The following CHM variants were observed in gnomAD, a reference collection of about 807,000 sequenced individuals.
CHM encodes CHM Rab escort protein.
Under a neutral mutation model 49.0 loss-of-function variants are expected in CHM, and 10 were observed. The ratio of observed to expected loss-of-function variants is 0.20; its 90% confidence interval spans 0.13 to 0.35. The LOEUF (loss-of-function observed/expected upper bound fraction) is 0.35, where lower values mean the gene tolerates loss of function less well. Among genes scored for constraint, CHM ranks in the 10% least tolerant of loss-of-function variants. The pLI is 1.00. For missense variants in CHM, 455 were observed against 478.4 expected (o/e 0.95, Z 0.46); for synonymous variants, 184 against 167.5 (o/e 1.10, Z -0.76).
At chrX:85,968,201 GA>G (rs1930680719) in intron 4 of CHM, among the ~76,000 whole-genome samples, 1 of 112,012 alleles carries the variant, frequency 8.9e-6, no homozygotes, top group Admixed American at 9.5e-5. Context: ...AGACTATTCA[GA>G]AATTGTTGTT....
chrX:85,940,432 G>A (rs1047016538), intron 8 of CHM, among the ~76,000 whole-genome samples: 1 of 111,417 alleles, frequency 9.0e-6, no homozygotes, highest in Non-Finnish European at 1.9e-5. Flanking sequence ...TACTGAGTTG[G>A]AGCAAACCAG....
Position 85,895,777 on chromosome X carries a change from G to A in CHM, c.1414-1493C>T, listed in dbSNP as rs1437643030. Among the ~76,000 whole-genome samples the A allele has an allele frequency of 3.6e-5, 4 of 111,353 alleles. No homozygotes were observed. In the East Asian group the frequency reaches 1.1e-3, roughly 31 times the overall value. On this transcript the variant is annotated intron_variant, in intron 11 of 14. Coordinates refer to ENST00000357749, the MANE Select transcript of CHM (RefSeq NM_000390.4). ...TTGTTCATGATAGAAAATGTACTTT[G>A]GCATTAAAGAGATAGAAGCCACTAA...
At chrX:85,954,333 T>G (rs776605695) in intron 8 of CHM, among the ~76,000 whole-genome samples, 2 of 111,804 alleles carry the variant, frequency 1.8e-5, no homozygotes, top group Admixed American at 1.9e-4. Flanking sequence ...GTGGGAGTGT[T>G]AATTAGTACA....
rs1370137816 is a variant in CHM at position 85,956,377 on chromosome X, T to A, written c.942A>T (p.Gly314=). 4.2e-6 allele frequency: 5 copies of A among 1,204,777 alleles called. No individual in the cohort carries two copies. Among genetic ancestry groups the A allele is most frequent in the Non-Finnish European group, 5.6e-6 (5 of 890,974 alleles). ...EYEKYPDEYK[G]YEEITFYEYL... is the part of the protein sequence containing the mutation. Reference sequence around the variant, plus strand: ...ATTCATAAAATGTGATCTCTTCATATCCTATGAAAAGATGAAATTTTATCA... The same window carrying A: ...ATTCATAAAATGTGATCTCTTCATAACCTATGAAAAGATGAAATTTTATCA... Residue 314 remains glycine, a splice_region_variant and synonymous_variant, in exon 8 of 15, where the codon GGA becomes GGT. Transcript: ENST00000357749.
chrX:85,873,503 T>C (rs111508937), intron 13 of CHM, among the ~76,000 whole-genome samples: 1 of 111,772 alleles, frequency 8.9e-6, no homozygotes, highest in Non-Finnish European at 1.9e-5. Context: ...ATAACATAAA[T>C]TGATTTCCTT....
intron 8 of CHM, among the ~76,000 whole-genome samples, chrX:85,931,117 G>A (rs1358583096): frequency 9.0e-6 from 1 of 111,202 alleles, no homozygotes; most frequent in Non-Finnish European, 1.9e-5. Flanking sequence ...AAACCAAAAT[G>A]AATCAAGGTA....
intron 11 of CHM, among the ~76,000 whole-genome samples, chrX:85,900,130 T>A (rs1479532527): frequency 3.6e-5 from 4 of 111,468 alleles, no homozygotes; most frequent in Non-Finnish European, 5.7e-5. Context: ...GAAGAATGGG[T>A]TTTTTAAAAA....
chrX:85,898,467 C>T (rs552722208), intron 11 of CHM, among the ~76,000 whole-genome samples: 250 of 111,729 alleles, frequency 2.2e-3, no homozygotes, highest in South Asian at 9.5e-3. Flanking sequence ...TCCCTCTCTA[C>T]TGGCTTCATC....
intron 1 of CHM, among the ~76,000 whole-genome samples, chrX:86,040,156 G>A (rs1288838786): frequency 5.3e-5 from 6 of 112,302 alleles, no homozygotes; most frequent in South Asian, 3.7e-4. Context: ...CCCTTAAGCC[G>A]TCTGCGGACA....
rs1369342142 is a variant in CHM, at chrX:85,871,293, C to CA, written c.1770+1758dup. 1.0e-4 allele frequency among the ~76,000 whole-genome samples: 5 copies of CA among 49,810 alleles called. 1 individual carries two copies. In the Admixed American group the frequency reaches 1.6e-3, roughly 16 times the overall value. The allele number at this position is 49,810 out of a possible 115,157, so 43.3% of individuals were successfully genotyped here. ...CTGCACTCCAGCCTGGGTGACAGAGCAAGACTGTCTCAAAAAAAAAAAAAA... is the reference window on the plus strand; with the variant it reads ...CTGCACTCCAGCCTGGGTGACAGAGCAAAGACTGTCTCAAAAAAAAAAAAAA... On this transcript the variant is annotated intron_variant, in intron 14 of 14. Transcript: ENST00000357749.
intron 9 of CHM, among the ~76,000 whole-genome samples, chrX:85,901,548 C>G (rs1237422157): frequency 9.0e-6 from 1 of 110,878 alleles, no homozygotes; most frequent in African/African-American, 3.3e-5. Context: ...TTTTTTTCCC[C>G]CCTTCACAGC....
intron 2 of CHM, among the ~76,000 whole-genome samples, chrX:85,985,381 G>T (rs1302528544): frequency 8.9e-6 from 1 of 112,257 alleles, no homozygotes; most frequent in Admixed American, 9.4e-5. Context: ...GCCCCTGCCA[G>T]TGTTCTCTGG....
chrX:85,896,388 G>T (rs1925835992), intron 11 of CHM, among the ~76,000 whole-genome samples: 1 of 111,119 alleles, frequency 9.0e-6, no homozygotes, highest in Non-Finnish European at 1.9e-5. Flanking sequence ...AGGACGTGAA[G>T]TTGAAGAGAT....
At chrX:85,943,958 G>GA (rs1319951718) in intron 8 of CHM, among the ~76,000 whole-genome samples, 6 of 106,516 alleles carry the variant, frequency 5.6e-5, no homozygotes, top group Admixed American at 2.0e-4. Flanking sequence ...TACTATGGAA[G>GA]AAAAAAAAAA....
Position 86,000,945 on chromosome X carries a change from TAC to T in CHM, c.117-19138_117-19137del, listed in dbSNP as rs373397238. ...GTATTTGATAGCATAGTAGGGAAAT[TAC>T]AGTTTAAAATAATTATGTATTTCAA... On this transcript the variant is annotated intron_variant, in intron 2 of 14. Coordinates refer to ENST00000357749, the MANE Select transcript of CHM (RefSeq NM_000390.4). Among the ~76,000 whole-genome samples the T allele has an allele frequency of 2.0e-3, 224 of 111,791 alleles. 1 individual carries two copies. Among genetic ancestry groups the T allele is most frequent in the Middle Eastern group, 0.014 (3 of 216 alleles).
In CHM at chrX:85,864,633, T is replaced by A. The variant is rs1201868149; in HGVS notation, c.1959A>T (p.Glu653Asp). Reference protein sequence around the residue: ...TNLGNLEESSE With the variant: ...TNLGNLEESSD ...TATCCAGTTTGGTGTATATCCATTA[T>A]TCAGAGGACTCCTCTAGGTTTCCAA... The change falls in exon 15 of 15, where the codon GAA becomes GAT. Residue 653 changes from glutamate to aspartate, a missense_variant. Coordinates refer to ENST00000357749, the MANE Select transcript of CHM (RefSeq NM_000390.4). The A allele has an allele frequency of 4.1e-6, 5 of 1,207,958 alleles. No homozygotes were observed. Among genetic ancestry groups the A allele is most frequent in the Non-Finnish European group, 5.6e-6 (5 of 892,763 alleles).
chrX:85,955,956 G>A (rs1362842685), intron 8 of CHM, among the ~76,000 whole-genome samples, 197 bp downstream of exon 8: 4 of 112,116 alleles, frequency 3.6e-5, no homozygotes, highest in Admixed American at 9.5e-5. Flanking sequence ...TTTTTATCAA[G>A]CTCAAAAAGA....
intron 4 of CHM, chrX:85,969,032 G>C: frequency 3.3e-6 from 2 of 610,370 alleles, no homozygotes; most frequent in Non-Finnish European, 2.0e-6. Context: ...AGAAGCTCCT[G>C]TTGCTTGTAT....
At chrX:85,868,748 G>A (rs1923870676) in intron 14 of CHM, among the ~76,000 whole-genome samples, 1 of 111,045 alleles carries the variant, frequency 9.0e-6, no homozygotes, top group Non-Finnish European at 1.9e-5. Context: ...ATCCTCAGAT[G>A]GGTCAATGGA....
Sources: allele counts gnomAD v4.1 joint callset (sites outside exome capture counted in the v4.1 genomes callset), GRCh38; gene constraint gnomAD v4.1.1; transcripts MANE v1.5; gene names NCBI Gene and HGNC (gene_info 2026-07-23, HGNC 2026-07-21).